Variants in CDH13 observed in about 807,000 individuals in gnomAD.
CDH13 encodes the protein cadherin 13.
Under a neutral mutation model 63.8 loss-of-function variants are expected in CDH13, and 24 were observed. That is an observed-to-expected ratio of 0.38 (90% confidence interval 0.27 to 0.53). CDH13 has a LOEUF of 0.53. Among genes scored for constraint, CDH13 ranks in the 20% least tolerant of loss-of-function variants. The pLI, the probability that CDH13 is intolerant of heterozygous loss-of-function variation, is 0.85. For missense variants in CDH13, 1,049 were observed against 903.1 expected, an observed-to-expected ratio of 1.16 and a Z score of -2.07; for synonymous variants, 503 against 355.3, an observed-to-expected ratio of 1.42 and a Z score of -4.67.
At chr16:83,117,490 G>A (rs755921486) in intron 3 of CDH13, among the ~76,000 whole-genome samples, 15 of 151,992 alleles carry the variant, frequency 9.9e-5, no homozygotes, top group Non-Finnish European at 1.9e-4. Flanking sequence ...CCTCCCTGCT[G>A]ATCTTTTTTC....
At chr16:83,700,127 G>C (rs567298721) in intron 10 of CDH13, among the ~76,000 whole-genome samples, 7 of 152,236 alleles carry the variant, frequency 4.6e-5, no homozygotes, top group African/African-American at 1.7e-4. Context: ...TCTGCCTTCT[G>C]TCATTGTAGA....
rs1282499000 is a variant in CDH13 at position 82,835,917 on chromosome 16, A to T, written c.46-22445A>T. Reference sequence around the variant, plus strand: ...TCTCTGCTACCAACACCCCCAGGAGAAAACAGCTCCAGGCTCTTGAGGCTC... The same window carrying T: ...TCTCTGCTACCAACACCCCCAGGAGTAAACAGCTCCAGGCTCTTGAGGCTC... On this transcript the variant is annotated intron_variant, in intron 1 of 13. Transcript: ENST00000567109. 2.6e-5 allele frequency among the ~76,000 whole-genome samples: 4 copies of T among 152,134 alleles called. No homozygotes were observed. In the East Asian group the frequency reaches 7.7e-4, roughly 29 times the overall value.
intron 10 of CDH13, among the ~76,000 whole-genome samples, chr16:83,745,501 CG>C (rs564458516): frequency 9.5e-4 from 144 of 152,290 alleles, no homozygotes; most frequent in African/African-American, 3.2e-3. Context: ...TGGGAACACT[CG>C]GAGGGGCTCT....
At chr16:83,722,364 G>A (rs189442823) in intron 10 of CDH13, among the ~76,000 whole-genome samples, 123 of 152,346 alleles carry the variant, frequency 8.1e-4, no homozygotes, top group Middle Eastern at 3.4e-3. Context: ...TTCGTAGGGA[G>A]ATGGTGTAGC....
chr16:82,820,191 T>TA (rs1407521504), intron 1 of CDH13, among the ~76,000 whole-genome samples: 1 of 152,154 alleles, frequency 6.6e-6, no homozygotes, highest in Non-Finnish European at 1.5e-5. Context: ...TGCTCCTCTT[T>TA]AAAATGACAG....
chr16:83,675,507 G>A (rs1327283809), intron 9 of CDH13, among the ~76,000 whole-genome samples: 48 of 152,162 alleles, frequency 3.2e-4, no homozygotes, highest in Non-Finnish European at 1.5e-4. Flanking sequence ...CACTGGGGCC[G>A]GGGAAATGAC....
chr16:82,704,477 C>G (rs1285432763), intron 1 of CDH13, among the ~76,000 whole-genome samples: 1 of 152,194 alleles, frequency 6.6e-6, no homozygotes, highest in Non-Finnish European at 1.5e-5. Context: ...GCAAAGATGT[C>G]TGAGGCCCAT....
intron 2 of CDH13, among the ~76,000 whole-genome samples, chr16:82,994,365 G>A (rs574676078): frequency 2.6e-5 from 4 of 152,198 alleles, no homozygotes; most frequent in Non-Finnish European, 4.4e-5. Flanking sequence ...CTCTGATTCA[G>A]CATCATCAAG....
At chr16:83,127,899 C>T (rs1480947602) in intron 4 of CDH13, among the ~76,000 whole-genome samples, 2 of 152,132 alleles carry the variant, frequency 1.3e-5, no homozygotes, top group Non-Finnish European at 2.9e-5. Context: ...GGAAGCAGAG[C>T]TGCTCTAAAG....
intron 7 of CDH13, among the ~76,000 whole-genome samples, chr16:83,501,733 C>G (rs914501741): frequency 2.0e-5 from 3 of 152,162 alleles, no homozygotes. Flanking sequence ...ATAGCCGCTG[C>G]TCTATCCACT....
intron 10 of CDH13, among the ~76,000 whole-genome samples, chr16:83,730,721 C>A (rs1019091718): frequency 6.6e-5 from 10 of 152,168 alleles, no homozygotes; most frequent in African/African-American, 2.4e-4. Flanking sequence ...TTACCTGGGT[C>A]TATTGCGTGT....
chr16:83,053,558 T>C lies in CDH13; in HGVS notation c.366+21340T>C, dbSNP rs571439510. ...ACAGATTGGCTGAATTTTAAAGCAA[T>C]AGATATATGTTTCTTAAATTAGATA... On this transcript the variant is annotated intron_variant, in intron 3 of 13. Coordinates refer to ENST00000567109, the MANE Select transcript of CDH13 (RefSeq NM_001257.5). 1.2e-4 allele frequency among the ~76,000 whole-genome samples: 18 copies of C among 152,222 alleles called. No individual in the cohort carries two copies. In the South Asian group the frequency reaches 3.7e-3, roughly 32 times the overall value.
At chr16:82,693,552 C>G (rs1337105778) in intron 1 of CDH13, among the ~76,000 whole-genome samples, 2 of 152,184 alleles carry the variant, frequency 1.3e-5, no homozygotes, top group Non-Finnish European at 2.9e-5. Context: ...TAAAGGACCC[C>G]CATTTTCCTA....
chr16:83,791,230 C>T (rs1916242794), intron 13 of CDH13, among the ~76,000 whole-genome samples: 2 of 152,180 alleles, frequency 1.3e-5, no homozygotes, highest in Admixed American at 1.3e-4. Context: ...GGCACGGTGG[C>T]TCACGTCTGT....
intron 10 of CDH13, among the ~76,000 whole-genome samples, chr16:83,690,246 T>G (rs745708905): frequency 2.6e-5 from 4 of 152,156 alleles, no homozygotes; most frequent in Non-Finnish European, 5.9e-5. Flanking sequence ...AATGAGAGAA[T>G]TAATAAATAC....
intron 3 of CDH13, among the ~76,000 whole-genome samples, chr16:83,045,495 G>C (rs1012524104): frequency 2.6e-5 from 4 of 151,924 alleles, no homozygotes; most frequent in Non-Finnish European, 5.9e-5. Flanking sequence ...AAATTATCCA[G>C]GCGTGGTGGC....
intron 1 of CDH13, among the ~76,000 whole-genome samples, chr16:82,800,599 C>T (rs2036802970): frequency 6.6e-6 from 1 of 152,200 alleles, no homozygotes; most frequent in South Asian, 2.1e-4. Context: ...CATTAATTTT[C>T]AGGTAATTCT....
At chr16:83,217,699 C>T (rs1484876139) in intron 5 of CDH13, among the ~76,000 whole-genome samples, 1 of 152,148 alleles carries the variant, frequency 6.6e-6, no homozygotes, top group Non-Finnish European at 1.5e-5. Context: ...CAGTAGAGCC[C>T]TCCAGGCCTG....
intron 6 of CDH13, among the ~76,000 whole-genome samples, chr16:83,461,693 C>G (rs557358934): frequency 4.5e-4 from 69 of 152,258 alleles, no homozygotes; most frequent in African/African-American, 1.6e-3. Context: ...TAGTTTTCTC[C>G]CAGCATCTTG....
Sources: allele counts gnomAD v4.1 joint callset (sites outside exome capture counted in the v4.1 genomes callset), GRCh38; gene constraint gnomAD v4.1.1; transcripts MANE v1.5; gene names NCBI Gene and HGNC (gene_info 2026-07-23, HGNC 2026-07-21).